Variants in AKR1C3 observed in about 807,000 individuals in gnomAD.
AKR1C3 encodes 3-alpha hydroxysteroid dehydrogenase, type II.
Under a neutral mutation model 43.6 loss-of-function variants are expected in AKR1C3, and 48 were observed. That is an observed-to-expected ratio of 1.10 (90% CI 0.87 to 1.40). The LOEUF is 1.40. AKR1C3 is among the 40% of genes most tolerant of loss of function. The probability of loss-of-function intolerance (pLI) is 0.00; values close to 1 mark genes in which losing one functional copy is unlikely to be tolerated. For synonymous variants in AKR1C3, 162 were observed against 139.6 expected (o/e 1.16, Z -1.13); for missense variants, 482 against 391.2 (o/e 1.23, Z -1.96).
At chr10:5,060,880 G>A (rs1172788478) in intron 1 of AKR1C3, among the ~76,000 whole-genome samples, 1 of 152,234 alleles carries the variant, frequency 6.6e-6, no homozygotes, top group African/African-American at 2.4e-5. Flanking sequence ...GCAGCTGCTG[G>A]CCCAGGTGCT....
chr10:5,105,305 GTGACCCTATCATGTGGGCAC>G (rs1839471857), intron 7 of AKR1C3: 3 of 9,834 alleles, frequency 3.1e-4, no homozygotes, highest in Non-Finnish European at 6.5e-4. Flanking sequence ...TGGGCACAAT[GTGACCCTATCATGTGGGCAC>G]AATGTCAGCG....
chr10:5,106,057 C>T (rs587776257), intron 8 of AKR1C3, among the ~76,000 whole-genome samples: 58 of 152,304 alleles, frequency 3.8e-4, no homozygotes, highest in African/African-American at 1.3e-3. Flanking sequence ...TGCTCAGCTC[C>T]TTATCAAATC....
chr10:5,102,558 C>T lies in AKR1C3; in HGVS notation c.754C>T (p.Pro252Ser). 1 of 1,570,536 alleles carries T rather than the reference C, an allele frequency of 6.4e-7. No individual in the cohort carries two copies. Among genetic ancestry groups the T allele is most frequent in the Non-Finnish European group, 8.7e-7 (1 of 1,155,592 alleles). ...CALAKKHKRT[P>S]ALIALRYQLQ... ...CTTGGCAAAAAAGCACAAGCGAACC[C>T]CAGCCCTGATTGCCCTGCGCTACCA... Residue 252 changes from proline (P) to serine (S), a missense_variant, in exon 7 of 9, where the codon CCA (proline) becomes TCA (serine). Pro to Ser is a moderately conservative substitution (Grantham distance 74, BLOSUM62 -1). Transcript: ENST00000380554.
intron 5 of AKR1C3, among the ~76,000 whole-genome samples, chr10:5,101,509 C>T (rs1489502895): frequency 6.6e-6 from 1 of 152,160 alleles, no homozygotes; most frequent in East Asian, 1.9e-4. Context: ...TAAGAGATTA[C>T]TATAATAACC....
At chr10:5,072,648 C>T (rs1369478069) in intron 1 of AKR1C3, among the ~76,000 whole-genome samples, 2 of 152,126 alleles carry the variant, frequency 1.3e-5, no homozygotes, top group African/African-American at 4.8e-5. Context: ...GCTACAACTG[C>T]CTGCTTGTCA....
chr10:5,100,923 TATA>T (rs138597289), intron 5 of AKR1C3, among the ~76,000 whole-genome samples: 5,555 of 152,306 alleles, frequency 0.036, 141 homozygotes, highest in Middle Eastern at 0.075. Context: ...CATAAATACA[TATA>T]ATATTTTCAA....
rs1380798025 is a variant in AKR1C3 at position 5,107,602 on chromosome 10, A to C, written c.*99A>C. 4.3e-6 allele frequency: 4 copies of C among 935,796 alleles called. No individual in the cohort carries two copies. The highest frequency in any genetic ancestry group is 6.7e-6 in the Non-Finnish European group (4 of 600,312). 58.0% of individuals were successfully genotyped at this position (935,796 alleles called of 1,614,324 possible). ...GTGACTGGACATATCACCTCTACTTAAATCCGTCCTGTTTAGCGACTTCAG... is the reference window on the plus strand; with the variant it reads ...GTGACTGGACATATCACCTCTACTTCAATCCGTCCTGTTTAGCGACTTCAG... On this transcript the variant is annotated 3_prime_UTR_variant, in exon 9 of 9. Coordinates refer to ENST00000380554, the MANE Select transcript of AKR1C3 (RefSeq NM_003739.6).
rs548915917 is a variant in AKR1C3 at position 5,075,373 on chromosome 10, C to G, written c.85-21037C>G. Among the ~76,000 whole-genome samples, 89 of 152,278 alleles carry G rather than the reference C, an allele frequency of 5.8e-4. No individual in the cohort carries two copies. The South Asian group carries it at 0.018, about 31-fold the overall frequency. On this transcript the variant is annotated intron_variant, in intron 1 of 8. Transcript: ENST00000439082. ...CCCTTGGCCCCCACCAGCATGATCGCTCTCCCACAGAAAGACCCAAATTAA... is the reference window on the plus strand; with the variant it reads ...CCCTTGGCCCCCACCAGCATGATCGGTCTCCCACAGAAAGACCCAAATTAA...
intron 2 of AKR1C3, 134 bp downstream of exon 2, chr10:5,096,711 A>G (rs1314216124): frequency 2.2e-6 from 3 of 1,393,108 alleles, no homozygotes; most frequent in Non-Finnish European, 2.8e-6. Flanking sequence ...ATACTCACAT[A>G]CTAAAACTGA....
In AKR1C3 at chr10:5,061,158, C is replaced by T. The variant is rs549332953; in HGVS notation, c.84+12263C>T. ...GTGGGCGCCAAGGCCAAGGAGGCAC[C>T]GAGAGTGAGCGAGGACTGCAAGGGC... On this transcript the variant is annotated intron_variant, in intron 1 of 8. Transcript: ENST00000439082. 1.2e-4 allele frequency among the ~76,000 whole-genome samples: 18 copies of T among 152,282 alleles called. No individual in the cohort carries two copies. In the East Asian group the frequency reaches 1.9e-3, roughly 16 times the overall value.
In AKR1C3 at chr10:5,053,184, C is replaced by T. The variant is rs189393914; in HGVS notation, c.84+4289C>T. ...TTGGGTGGTTGATGGGACTGGGTGC[C>T]GTGGAGCAGGGGGCAGCGCTCGTCA... On this transcript the variant is annotated intron_variant, in intron 1 of 8. Transcript: ENST00000439082. 2.2e-3 allele frequency among the ~76,000 whole-genome samples: 332 copies of T among 152,326 alleles called. 2 individuals are homozygous for T. Among genetic ancestry groups the T allele is most frequent in the African/African-American group, 7.7e-3 (321 of 41,576 alleles).
upstream of AKR1C3, chr10:5,094,176 AAAT>A (rs34722940): frequency 7.9e-4 from 186 of 236,576 alleles, no homozygotes; most frequent in African/African-American, 3.8e-3. Flanking sequence ...TTAGAATAGA[AAAT>A]AATACTTTAG....
At chr10:5,066,791 G>C (rs1588336857) in intron 1 of AKR1C3, among the ~76,000 whole-genome samples, 1 of 152,198 alleles carries the variant, frequency 6.6e-6, no homozygotes, top group African/African-American at 2.4e-5. Context: ...CTGCAGCATA[G>C]ATACTTTTCT....
intron 7 of AKR1C3, among the ~76,000 whole-genome samples, chr10:5,104,510 G>A (rs117072774): frequency 6.6e-6 from 1 of 150,406 alleles, no homozygotes; most frequent in South Asian, 2.1e-4. Context: ...TACCAGAATG[G>A]TACAACTTTT....
In AKR1C3 at chr10:5,083,496, G is replaced by C. The variant is rs531419032; in HGVS notation, c.85-12914G>C. Reference sequence around the variant, plus strand: ...CTATCGTTGTTGGACATTTGGGTTGGTTCCAAGTCTTTGCTATTGTGAATA... The same window carrying C: ...CTATCGTTGTTGGACATTTGGGTTGCTTCCAAGTCTTTGCTATTGTGAATA... On this transcript the variant is annotated intron_variant, in intron 1 of 8. Transcript: ENST00000439082. 8.3e-3 allele frequency among the ~76,000 whole-genome samples: 1,260 copies of C among 152,258 alleles called. 12 individuals carry two copies. Among genetic ancestry groups the C allele is most frequent in the African/African-American group, 0.029 (1,218 of 41,542 alleles).
At chr10:5,057,884 A>G (rs915169018) in intron 1 of AKR1C3, among the ~76,000 whole-genome samples, 2 of 152,242 alleles carry the variant, frequency 1.3e-5, no homozygotes, top group Non-Finnish European at 2.9e-5. Context: ...TAACAGTAGC[A>G]TGACATCTCT....
chr10:5,103,666 A>C (rs1300370495), intron 7 of AKR1C3, among the ~76,000 whole-genome samples: 1 of 152,186 alleles, frequency 6.6e-6, no homozygotes, highest in Non-Finnish European at 1.5e-5. Flanking sequence ...ACCTCAGCAC[A>C]TGGCATGACC....
intron 1 of AKR1C3, among the ~76,000 whole-genome samples, chr10:5,066,313 C>T (rs1231565680): frequency 6.6e-6 from 1 of 152,124 alleles, no homozygotes; most frequent in Non-Finnish European, 1.5e-5. Flanking sequence ...CCTATCATTT[C>T]ATTTCAGAAA....
At chr10:5,057,745 G>A (rs994445528) in intron 1 of AKR1C3, among the ~76,000 whole-genome samples, 10 of 152,300 alleles carry the variant, frequency 6.6e-5, no homozygotes, top group African/African-American at 2.4e-4. Context: ...ATGGCTTGCT[G>A]ACTGGTAGGG....
Sources: allele counts gnomAD v4.1 joint callset (sites outside exome capture counted in the v4.1 genomes callset), GRCh38; gene constraint gnomAD v4.1.1; transcripts MANE v1.5; gene names NCBI Gene and HGNC (gene_info 2026-07-23, HGNC 2026-07-21).